KAZN: variants seen among roughly 807,000 people sequenced by gnomAD.
The protein encoded by KAZN is kazrin, periplakin interacting protein.
KAZN carries 40 observed loss-of-function variants against 87.4 expected under a neutral mutation model. The observed-to-expected ratio is 0.46, with a 90% CI of 0.36 to 0.60. The LOEUF (loss-of-function observed/expected upper bound fraction) is 0.60, where lower values mean the gene tolerates loss of function less well. KAZN is among the 20% of genes least tolerant of loss of function. The pLI is 0.00. For synonymous variants in KAZN, 466 were observed against 458.3 expected (o/e 1.02, Z -0.22); for missense variants, 898 against 1,073.9 (o/e 0.84, Z 2.29).
chr1:15,091,139 C>A (rs1427954693), intron 8 of KAZN, among the ~76,000 whole-genome samples: 1 of 152,160 alleles, frequency 6.6e-6, no homozygotes, highest in Admixed American at 6.6e-5. Flanking sequence ...TTCACACACA[C>A]ACTCGCACAA....
chr1:15,001,192 TG>T (rs1668424601), intron 2 of KAZN, among the ~76,000 whole-genome samples: 1 of 151,762 alleles, frequency 6.6e-6, no homozygotes, highest in Non-Finnish European at 1.5e-5. Context: ...CTGGGCGTGG[TG>T]GTTCACGCCT....
At chr1:15,007,808 C>T (rs755905143) in intron 2 of KAZN, among the ~76,000 whole-genome samples, 3 of 152,234 alleles carry the variant, frequency 2.0e-5, no homozygotes, top group Non-Finnish European at 4.4e-5. Flanking sequence ...TGAATGCCAC[C>T]GCCCATTTCA....
At chr1:14,149,846 C>A (rs944442992) in intron 1 of KAZN, among the ~76,000 whole-genome samples, 3 of 152,088 alleles carry the variant, frequency 2.0e-5, no homozygotes, top group African/African-American at 7.2e-5. Flanking sequence ...TTACAAGATG[C>A]ATATTTTTGT....
At chr1:14,583,436 C>T (rs535199083) in intron 2 of KAZN, among the ~76,000 whole-genome samples, 10 of 152,156 alleles carry the variant, frequency 6.6e-5, no homozygotes, top group Admixed American at 3.9e-4. Flanking sequence ...AGGAGATGCA[C>T]GTGTAGGAGT....
At chr1:14,606,848 C>T (rs1048876759) in intron 1 of KAZN, among the ~76,000 whole-genome samples, 57 of 152,270 alleles carry the variant, frequency 3.7e-4, no homozygotes, top group African/African-American at 1.3e-3. Context: ...CCTTCACACT[C>T]CAGTTGTGAC....
chr1:13,982,088 T>C (rs1212314879), intron 1 of KAZN, among the ~76,000 whole-genome samples: 1 of 152,172 alleles, frequency 6.6e-6, no homozygotes, highest in Non-Finnish European at 1.5e-5. Flanking sequence ...ATTTCCATTG[T>C]TATTGGGCAA....
chr1:14,779,043 T>C (rs1645258495), intron 1 of KAZN, among the ~76,000 whole-genome samples: 1 of 152,130 alleles, frequency 6.6e-6, no homozygotes, highest in African/African-American at 2.4e-5. Context: ...GAGTGAGTGT[T>C]TCCATGACAC....
At chr1:14,148,650 T>C (rs1450312706) in intron 1 of KAZN, among the ~76,000 whole-genome samples, 1 of 152,238 alleles carries the variant, frequency 6.6e-6, no homozygotes, top group Non-Finnish European at 1.5e-5. Context: ...GTTTGAGACT[T>C]TCCTTCAATG....
At chr1:14,785,478 T>C (rs1183231401) in intron 1 of KAZN, among the ~76,000 whole-genome samples, 1 of 152,092 alleles carries the variant, frequency 6.6e-6, no homozygotes, top group Non-Finnish European at 1.5e-5. Context: ...GGGAGGCCCG[T>C]TCCTCTGGCG....
intron 8 of KAZN, among the ~76,000 whole-genome samples, chr1:15,087,718 A>T (rs1035131846): frequency 2.6e-5 from 4 of 152,228 alleles, no homozygotes; most frequent in Non-Finnish European, 5.9e-5. Flanking sequence ...AGCTAGCCAC[A>T]TTACATGTTC....
chr1:14,165,399 G>T (rs1287716114), intron 1 of KAZN, among the ~76,000 whole-genome samples: 1 of 152,020 alleles, frequency 6.6e-6, no homozygotes, highest in Non-Finnish European at 1.5e-5. Context: ...TTAAAATGCA[G>T]TTTCCTTTTC....
chr1:14,732,690 T>G (rs1029559726), intron 1 of KAZN, among the ~76,000 whole-genome samples: 2 of 152,070 alleles, frequency 1.3e-5, no homozygotes, highest in Non-Finnish European at 2.9e-5. Context: ...TTTCAACATA[T>G]ATGTATTATT....
At chr1:14,935,911 C>T (rs1192694344) in intron 1 of KAZN, among the ~76,000 whole-genome samples, 1 of 152,214 alleles carries the variant, frequency 6.6e-6, no homozygotes, top group Non-Finnish European at 1.5e-5. Context: ...ATCTTCTCTC[C>T]CAACATCCCA....
intron 2 of KAZN, among the ~76,000 whole-genome samples, chr1:14,478,378 A>G (rs7555566): frequency 0.16 from 23,863 of 152,030 alleles, 2,221 homozygotes; most frequent in East Asian, 0.39. Flanking sequence ...GAATGAATCT[A>G]TCTAGGTGGA....
At chr1:14,861,428 A>C (rs1051877766) in intron 1 of KAZN, among the ~76,000 whole-genome samples, 1 of 152,196 alleles carries the variant, frequency 6.6e-6, no homozygotes, top group African/African-American at 2.4e-5. Context: ...GCACCAACCT[A>C]ATAGAAATAG....
intron 2 of KAZN, among the ~76,000 whole-genome samples, chr1:15,007,305 A>G (rs1669125485): frequency 6.6e-6 from 1 of 152,156 alleles, no homozygotes; most frequent in African/African-American, 2.4e-5. Context: ...GATTAACCCC[A>G]TTTATCACCA....
chr1:14,598,690 T>C lies in KAZN; in HGVS notation c.-308T>C, dbSNP rs1176562437. The C allele has an allele frequency of 4.6e-6, 6 of 1,301,512 alleles. No individual in the cohort carries two copies. In the African/African-American group the frequency reaches 7.8e-5, roughly 17 times the overall value. 80.6% of individuals were successfully genotyped at this position (1,301,512 alleles called of 1,614,324 possible). The stretch of plus-strand genomic sequence containing the variant: ...GCCTGGTGGCGCGCGGTGTCCTTCT[T>C]GGAGCAGCTCTCGGCGCCCGCCCGC... On this transcript the variant is annotated 5_prime_UTR_variant, in exon 1 of 15. Coordinates refer to ENST00000376030, the MANE Select transcript of KAZN (RefSeq NM_201628.3). This position sits in a 1 kb window ranked among gnomAD's most constrained non-coding sequence, Gnocchi z 4.2.
intron 1 of KAZN, among the ~76,000 whole-genome samples, chr1:14,815,170 C>T (rs932238111): frequency 3.3e-5 from 5 of 152,092 alleles, no homozygotes; most frequent in Non-Finnish European, 7.3e-5. Context: ...AAATCAGGGT[C>T]TATGTGGGTC....
In KAZN at chr1:15,099,275, C is replaced by T. The variant is rs187114813; in HGVS notation, c.1548-2268C>T. Among the ~76,000 whole-genome samples the T allele has an allele frequency of 3.4e-4, 52 of 152,268 alleles. No homozygotes were observed. Among genetic ancestry groups the T allele is most frequent in the African/African-American group, 6.7e-4 (28 of 41,554 alleles). On this transcript the variant is annotated intron_variant, in intron 10 of 14. Coordinates refer to ENST00000376030, the MANE Select transcript of KAZN (RefSeq NM_201628.3). The surrounding 1 kb of genome is among the most constrained non-coding windows in gnomAD (Gnocchi z 5.4). ...GCATTCAATCAGTGTCTACTGTGCA[C>T]GTAGACTGTGCTGTTTGGCAGTGAA... is the stretch of plus-strand genomic sequence containing the variant.
Sources: allele counts gnomAD v4.1 joint callset (sites outside exome capture counted in the v4.1 genomes callset), GRCh38; gene constraint gnomAD v4.1.1; non-coding constraint Gnocchi (gnomAD v3.1); transcripts MANE v1.5; gene names NCBI Gene and HGNC (gene_info 2026-07-23, HGNC 2026-07-21).